TP53I11: variants seen among roughly 807,000 people sequenced by gnomAD.
TP53I11 encodes tumor protein p53 inducible protein 11.
Under a neutral mutation model 23.3 loss-of-function variants are expected in TP53I11, and 9 were observed. That is an observed-to-expected ratio of 0.39 (90% CI 0.23 to 0.67). The LOEUF (loss-of-function observed/expected upper bound fraction) is 0.67. Among genes scored for constraint, TP53I11 ranks in the 30% least tolerant of loss-of-function variants. TP53I11 has a pLI of 0.48. For missense variants in TP53I11, 170 were observed against 255.2 expected, an observed-to-expected ratio of 0.67 and a Z score of 2.27; for synonymous variants, 100 against 106.1, an observed-to-expected ratio of 0.94 and a Z score of 0.35.
At chr11:44,940,506 C>T (rs557380055) in intron 1 of TP53I11, 1 of 152,306 alleles carries the variant, frequency 6.6e-6, no homozygotes, top group South Asian at 2.1e-4. Context: ...AATGATAAAG[C>T]GTAGAACCTT....
rs1409410956 is a variant in TP53I11 at position 44,938,316 on chromosome 11, G to T, written c.20C>A (p.Pro7Gln). 1.2e-6 allele frequency: 2 copies of T among 1,606,552 alleles called. No homozygotes were observed. Among genetic ancestry groups the T allele is most frequent in the East Asian group, 2.2e-5 (1 of 44,582 alleles). Residue 7 changes from proline (P) to glutamine (Q), a missense_variant, in exon 2 of 7, where the codon CCG (proline) becomes CAG (glutamine). Coordinates refer to ENST00000525680, the MANE Select transcript of TP53I11 (RefSeq NM_006034.5). MAAKQP[P>Q]PLMKKHSQTD... ...CTGGCTGTGCTTCTTCATCAGAGGC[G>T]GGGGCTGCTTGGCCGCCATCTTCTC...
At chr11:44,949,738 C>T (rs1409222847) in intron 1 of TP53I11, among the ~76,000 whole-genome samples, 1 of 152,158 alleles carries the variant, frequency 6.6e-6, no homozygotes, top group Non-Finnish European at 1.5e-5. Flanking sequence ...CGGCAGGGGC[C>T]CTAACCCACC....
intron 1 of TP53I11, among the ~76,000 whole-genome samples, chr11:44,940,185 G>A (rs1034962969): frequency 6.6e-6 from 1 of 152,356 alleles, no homozygotes; most frequent in South Asian, 2.1e-4. Context: ...GGTGAGAACC[G>A]GGTCCTTCAC....
At chr11:44,935,061 ATGTGTCCCAGCGC>A in intron 6 of TP53I11, 44 bp from the exon 7 acceptor site, 1 of 1,609,810 alleles carries the variant, frequency 6.2e-7, no homozygotes. Flanking sequence ...AGAGGAGGGG[ATGTGTCCCAGCGC>A]TGCCCCCCTA....
intron 1 of TP53I11, 130 bp from the exon 2 acceptor site, chr11:44,938,496 T>A: frequency 9.2e-7 from 1 of 1,081,734 alleles, no homozygotes; most frequent in Non-Finnish European, 1.3e-6. Flanking sequence ...CCCAGGGCAG[T>A]AGGGGGAGTA....
At position 44,936,694 on chromosome 11, in the gene TP53I11, C is replaced by A. The variant is rs1270198377; in HGVS notation, c.334+109G>T. 1.5e-6 allele frequency: 2 copies of A among 1,365,308 alleles called. No homozygotes were observed. The highest frequency in any genetic ancestry group is 1.7e-5 in the South Asian group (1 of 57,688). The allele number at this position is 1,365,308 out of a possible 1,614,324, so 84.6% of individuals were successfully genotyped here. ...GCCGGGGTGTGGGCGCAGCATCTGG[C>A]CGAAGAAAGGAAGGGGTGCCCGGGC... On this transcript the variant is annotated intron_variant, in intron 5 of 6. Transcript: ENST00000525680. This position sits in a 1 kb window ranked among gnomAD's most constrained non-coding sequence, Gnocchi z 4.4.
chr11:44,935,101 T>A, intron 6 of TP53I11, 84 bp from the exon 7 acceptor site: 1 of 1,582,022 alleles, frequency 6.3e-7, no homozygotes, highest in Non-Finnish European at 8.6e-7. Context: ...AGCGCTGGTG[T>A]GGCCGTCTCC....
intron 1 of TP53I11, among the ~76,000 whole-genome samples, chr11:44,939,503 G>A (rs1020048273): frequency 6.6e-6 from 1 of 152,212 alleles, no homozygotes; most frequent in African/African-American, 2.4e-5. Flanking sequence ...GGACCCTGCT[G>A]TCTCAGTGCC....
intron 1 of TP53I11, among the ~76,000 whole-genome samples, chr11:44,942,025 A>G (rs868451528): frequency 3.6e-5 from 5 of 138,760 alleles, no homozygotes; most frequent in African/African-American, 1.5e-4. Flanking sequence ...CCACACACAC[A>G]CCACACACCA....
At chr11:44,942,473 G>C (rs909035670) in intron 1 of TP53I11, among the ~76,000 whole-genome samples, 3 of 147,970 alleles carry the variant, frequency 2.0e-5, no homozygotes, top group South Asian at 2.1e-4. Context: ...TACACACACA[G>C]AGCATTCCCC....
At chr11:44,943,122 T>G (rs567984710) in intron 1 of TP53I11, 2 of 152,288 alleles carry the variant, frequency 1.3e-5, no homozygotes, top group South Asian at 4.1e-4. Flanking sequence ...GTTTCCCCTC[T>G]TGTGAAATGG....
chr11:44,932,367 T>G lies in TP53I11; in HGVS notation c.*2517A>C, dbSNP rs902380498. On this transcript the variant is annotated 3_prime_UTR_variant, in exon 7 of 7. Coordinates refer to ENST00000525680, the MANE Select transcript of TP53I11 (RefSeq NM_006034.5). ...CCACACTGATGGTTTTGCACTGGTT[T>G]TTGTGAATGTTTCTTACAAAAAGAA... The G allele has an allele frequency of 1.3e-5, 2 of 152,290 alleles. No homozygotes were observed. The highest frequency in any genetic ancestry group is 4.8e-5 in the African/African-American group (2 of 41,470). The allele number at this position is 152,290 out of a possible 1,614,324, so 9.4% of individuals were successfully genotyped here.
intron 6 of TP53I11, 129 bp downstream of exon 6, chr11:44,935,432 C>T: frequency 1.3e-6 from 1 of 798,348 alleles, no homozygotes; most frequent in Non-Finnish European, 2.0e-6. Context: ...GAGTCCTTAT[C>T]CCTCTATCCC....
chr11:44,936,716 G>A lies in TP53I11; in HGVS notation c.334+87C>T, dbSNP rs762377012. ...TGGCCGAAGAAAGGAAGGGGTGCCC[G>A]GGCACGGACCCCCGTGCTCTCCTCA... On this transcript the variant is annotated intron_variant, in intron 5 of 6. Coordinates refer to ENST00000525680, the MANE Select transcript of TP53I11 (RefSeq NM_006034.5). The surrounding 1 kb of genome is among the most constrained non-coding windows in gnomAD (Gnocchi z 4.4). 1.6e-5 allele frequency: 21 copies of A among 1,348,370 alleles called. No individual in the cohort carries two copies. The highest frequency in any genetic ancestry group is 1.2e-4 in the East Asian group (4 of 33,106). The allele number at this position is 1,348,370 out of a possible 1,614,324, so 83.5% of individuals were successfully genotyped here. A position where few individuals can be genotyped will look rare whatever the true frequency, so the allele number is the denominator to read the frequency against.
At chr11:44,944,672 G>C (rs1352890910) in intron 1 of TP53I11, among the ~76,000 whole-genome samples, 2 of 152,168 alleles carry the variant, frequency 1.3e-5, no homozygotes, top group African/African-American at 2.4e-5. Flanking sequence ...GTGACCTCAG[G>C]AAAGTTACTT....
chr11:44,935,105 C>T (rs1232157896), intron 6 of TP53I11, 88 bp from the exon 7 acceptor site: 66 of 1,576,550 alleles, frequency 4.2e-5, no homozygotes, highest in East Asian at 6.7e-5. Flanking sequence ...CTGGTGTGGC[C>T]GTCTCCCTGA....
rs1468558714 is a variant in TP53I11, at chr11:44,933,579, C to T, written c.*1305G>A. On this transcript the variant is annotated 3_prime_UTR_variant, in exon 7 of 7. Transcript: ENST00000525680. ...GAAGCTGGGCGGTGGGTATGCAGCA[C>T]AGGCTGGTGGGCCCTCAGGGAGAAG... 6.4e-6 allele frequency: 1 copy of T among 157,174 alleles called. No individual in the cohort carries two copies. Among genetic ancestry groups the T allele is most frequent in the Non-Finnish European group, 1.4e-5 (1 of 71,266 alleles). The allele number at this position is 157,174 out of a possible 1,614,324, so 9.7% of individuals were successfully genotyped here. A position where few individuals can be genotyped will look rare whatever the true frequency, so the allele number is the denominator to read the frequency against.
At position 44,934,589 on chromosome 11, in the gene TP53I11, A is replaced by G. The variant is rs576631341; in HGVS notation, c.*295T>C. On this transcript the variant is annotated 3_prime_UTR_variant, in exon 7 of 7. Coordinates refer to ENST00000525680, the MANE Select transcript of TP53I11 (RefSeq NM_006034.5). ...TCCAGCCTGACTTTAGTCAGTGTCTATTGAGGGGGTCTGGAGGCCAAGAGA... is the reference window on the plus strand; with the variant it reads ...TCCAGCCTGACTTTAGTCAGTGTCTGTTGAGGGGGTCTGGAGGCCAAGAGA... The G allele has an allele frequency of 3.0e-5, 11 of 369,354 alleles. No homozygotes were observed. The highest frequency in any genetic ancestry group is 2.7e-4 in the East Asian group (5 of 18,828). 22.9% of individuals were successfully genotyped at this position (369,354 alleles called of 1,614,324 possible). A position where few individuals can be genotyped will look rare whatever the true frequency, so the allele number is the denominator to read the frequency against.
chr11:44,943,913 G>C (rs1862143347), intron 1 of TP53I11, among the ~76,000 whole-genome samples: 1 of 152,208 alleles, frequency 6.6e-6, no homozygotes, highest in East Asian at 1.9e-4. Flanking sequence ...ACACTCAGAA[G>C]CCCACAGGTT....
Sources: allele counts gnomAD v4.1 joint callset (sites outside exome capture counted in the v4.1 genomes callset), GRCh38; gene constraint gnomAD v4.1.1; non-coding constraint Gnocchi (gnomAD v3.1); transcripts MANE v1.5; gene names NCBI Gene and HGNC (gene_info 2026-07-23, HGNC 2026-07-21).